Variants in LATS2 observed in about 807,000 individuals in gnomAD.
LATS2 encodes the protein serine/threonine-protein kinase LATS2.
In LATS2, 24 loss-of-function variants were observed where a neutral mutation model predicts 76.0. That is an observed-to-expected ratio of 0.32 (90% CI 0.23 to 0.44). The LOEUF (loss-of-function observed/expected upper bound fraction) is 0.44, where lower values mean the gene tolerates loss of function less well. Ranked by LOEUF, LATS2 falls within the 20% of genes least tolerant of loss-of-function variation. The pLI, the probability that LATS2 is intolerant of heterozygous loss-of-function variation, is 1.00. For synonymous variants in LATS2, 692 were observed against 635.4 expected (o/e 1.09, Z -1.34); for missense variants, 1,286 against 1,481.2 (o/e 0.87, Z 2.16).
intron 2 of LATS2, among the ~76,000 whole-genome samples, chr13:21,041,468 T>A (rs552699585): frequency 6.6e-6 from 1 of 152,282 alleles, no homozygotes; most frequent in Non-Finnish European, 1.5e-5. Context: ...TCCATTAAAG[T>A]TTTAAATCAC....
At chr13:21,028,745 A>G (rs1872409833) in intron 2 of LATS2, among the ~76,000 whole-genome samples, 1 of 151,958 alleles carries the variant, frequency 6.6e-6, no homozygotes, top group Non-Finnish European at 1.5e-5. Flanking sequence ...TAATTTTTGT[A>G]TTTTAGTAGA....
rs1279655707 is a variant in LATS2, at chr13:21,058,183, GTCAATGCATTTGAATTTACCT to G, written c.-205+3142_-205+3162del. 3.9e-5 allele frequency among the ~76,000 whole-genome samples: 6 copies of G among 152,206 alleles called. No homozygotes were observed. In the East Asian group the frequency reaches 5.8e-4, roughly 15 times the overall value. ...TTAGAACAGATTTAGTCAAGACAGA[GTCAATGCATTTGAATTTACCT>G]TCTGTATTTCTTCACACCAACTGTT... On this transcript the variant is annotated intron_variant, in intron 1 of 7. Coordinates refer to ENST00000382592, the MANE Select transcript of LATS2 (RefSeq NM_014572.3).
rs150944797 is a variant in LATS2 at position 21,013,963 on chromosome 13, C to G, written c.343-22559G>C. Among the ~76,000 whole-genome samples, 1,089 of 150,756 alleles carry G rather than the reference C, an allele frequency of 7.2e-3. 9 individuals carry two copies. Among genetic ancestry groups the G allele is most frequent in the Middle Eastern group, 0.01 (3 of 294 alleles). On this transcript the variant is annotated intron_variant, in intron 2 of 7. Coordinates refer to ENST00000382592, the MANE Select transcript of LATS2 (RefSeq NM_014572.3). ...TCCAGCCTGGGCAACAGAGCAAGAC[C>G]CCCAACTTGAAAACAAAAGAAGAAG...
intron 2 of LATS2, among the ~76,000 whole-genome samples, chr13:21,040,196 G>A (rs1333524252): frequency 6.6e-6 from 1 of 152,048 alleles, no homozygotes; most frequent in African/African-American, 2.4e-5. Context: ...AGACCACCGT[G>A]GGCAACATGG....
At position 21,061,514 on chromosome 13, in the gene LATS2, G is replaced by A. The variant is rs1224939149; in HGVS notation, c.-373C>T. 1 of 153,006 alleles carries A rather than the reference G, an allele frequency of 6.5e-6. No individual in the cohort carries two copies. The highest frequency in any genetic ancestry group is 6.5e-5 in the Admixed American group (1 of 15,292). The allele number at this position is 153,006 out of a possible 1,614,324, so 9.5% of individuals were successfully genotyped here. A position where few individuals can be genotyped will look rare whatever the true frequency, so the allele number is the denominator to read the frequency against. On this transcript the variant is annotated 5_prime_UTR_variant, in exon 1 of 8. Coordinates refer to ENST00000382592, the MANE Select transcript of LATS2 (RefSeq NM_014572.3). Reference sequence around the variant, plus strand: ...ACGGCGACTGCTCCATCTTCCCGGGGCGCTCACGCCGCGGTTCCAAAGCGC... The same window carrying A: ...ACGGCGACTGCTCCATCTTCCCGGGACGCTCACGCCGCGGTTCCAAAGCGC...
chr13:21,056,152 G>T lies in LATS2; in HGVS notation c.-205+5194C>A, dbSNP rs926565257. On this transcript the variant is annotated intron_variant, in intron 1 of 7. Coordinates refer to ENST00000382592, the MANE Select transcript of LATS2 (RefSeq NM_014572.3). ...AGAATTGGGTCTTTTTTTTTGGTGG[G>T]GGGGGCAGGGTCTCACTCTGGTTGC... 3.9e-5 allele frequency among the ~76,000 whole-genome samples: 6 copies of T among 152,068 alleles called. No homozygotes were observed. The South Asian group carries it at 8.3e-4, about 21-fold the overall frequency.
intron 2 of LATS2, among the ~76,000 whole-genome samples, chr13:21,022,250 G>A (rs566166417): frequency 4.6e-5 from 7 of 152,124 alleles, no homozygotes; most frequent in Non-Finnish European, 8.8e-5. Context: ...GTGTGTGGAC[G>A]TATGCATATG....
intron 2 of LATS2, among the ~76,000 whole-genome samples, chr13:21,006,431 A>G (rs1871271260): frequency 6.6e-6 from 1 of 152,174 alleles, no homozygotes; most frequent in African/African-American, 2.4e-5. Flanking sequence ...TGTGGCACCT[A>G]AGTTATATGC....
chr13:21,036,971 G>C (rs1169470627), intron 2 of LATS2, among the ~76,000 whole-genome samples: 1 of 152,214 alleles, frequency 6.6e-6, no homozygotes, highest in African/African-American at 2.4e-5. Context: ...ATTTACGCTA[G>C]TAATTCCATT....
chr13:21,054,972 G>C (rs575115910), intron 1 of LATS2, among the ~76,000 whole-genome samples: 7 of 151,534 alleles, frequency 4.6e-5, no homozygotes, highest in African/African-American at 1.7e-4. Context: ...GGCTGTCCCT[G>C]TCTTAAGTGA....
intron 1 of LATS2, among the ~76,000 whole-genome samples, chr13:21,055,010 A>G (rs1042845766): frequency 1.1e-4 from 16 of 152,212 alleles, no homozygotes; most frequent in African/African-American, 3.6e-4. Flanking sequence ...CTACGGATAA[A>G]CTGTGTTCTT....
At position 20,988,147 on chromosome 13, in the gene LATS2, G is replaced by A. The variant is rs755582869; in HGVS notation, c.1633C>T (p.Arg545Cys). 50 of 1,613,992 alleles carry A rather than the reference G, an allele frequency of 3.1e-5. No homozygotes were observed. The highest frequency in any genetic ancestry group is 1.6e-4 in the African/African-American group (12 of 74,946). Residue 545 changes from arginine to cysteine, a missense_variant, in exon 4 of 8, where the codon CGT (arginine) becomes TGT (cysteine). By Grantham distance (180) the Arg-to-Cys change is radical (BLOSUM62 -3). Around this residue, in one of 5 missense-constraint regions of LATS2, gnomAD observed 710 missense variants for 660.9 expected, o/e 1.07. Coordinates refer to ENST00000382592, the MANE Select transcript of LATS2 (RefSeq NM_014572.3). ...CCCTCGGGCTCGTTGGGGCCCGCAC[G>A]GAGGCTCTGCTCCATGCCTGCGCAC... ...SLCAGMEQSLRAGPNEPEGGD... is the reference protein window; with the variant it reads ...SLCAGMEQSLCAGPNEPEGGD...
chr13:21,004,344 G>C (rs1478945730), intron 2 of LATS2, among the ~76,000 whole-genome samples: 1 of 149,808 alleles, frequency 6.7e-6, no homozygotes, highest in African/African-American at 2.5e-5. Flanking sequence ...TGAGGCAAGA[G>C]AACCGCTTGA....
At chr13:21,004,704 C>T (rs1871197253) in intron 2 of LATS2, among the ~76,000 whole-genome samples, 1 of 152,152 alleles carries the variant, frequency 6.6e-6, no homozygotes, top group Non-Finnish European at 1.5e-5. Context: ...TGGGGCTGTT[C>T]AACAGTATCC....
rs529406390 is a variant in LATS2 at position 20,980,104 on chromosome 13, CACAA to C, written c.2666-311_2666-308del. Among the ~76,000 whole-genome samples, 56 of 152,238 alleles carry C rather than the reference CACAA, an allele frequency of 3.7e-4. No homozygotes were observed. In the South Asian group the frequency reaches 0.011, roughly 30 times the overall value. ...GCCAGAATTTTATGTTCTTAAAGAT[CACAA>C]ACAGAGGCACCAATTAAAATAACAG... On this transcript the variant is annotated intron_variant, in intron 6 of 7. Transcript: ENST00000382592.
chr13:21,014,003 AGAG>A (rs1355859134), intron 2 of LATS2, among the ~76,000 whole-genome samples: 2 of 151,548 alleles, frequency 1.3e-5, no homozygotes, highest in African/African-American at 4.9e-5. Context: ...AAGAAGAAGA[AGAG>A]GAGGAAGAGA....
intron 2 of LATS2, among the ~76,000 whole-genome samples, chr13:21,010,224 A>AC (rs1555225648): frequency 2.7e-5 from 4 of 148,304 alleles, no homozygotes; most frequent in Non-Finnish European, 4.5e-5. Context: ...AAACAAACAA[A>AC]AAACCCACAA....
intron 2 of LATS2, among the ~76,000 whole-genome samples, chr13:21,042,877 A>T (rs988854111): frequency 1.3e-5 from 2 of 151,690 alleles, no homozygotes; most frequent in African/African-American, 4.8e-5. Context: ...CCAGCTACTC[A>T]GGAGGCTGAG....
intron 2 of LATS2, among the ~76,000 whole-genome samples, chr13:21,014,336 C>T (rs1871714278): frequency 6.6e-6 from 1 of 152,208 alleles, no homozygotes; most frequent in Admixed American, 6.5e-5. Context: ...TAAACCACAT[C>T]TCAATACAGA....
Sources: gnomAD v4.1 joint callset for allele counts (sites outside exome capture counted in the v4.1 genomes callset) on GRCh38, gnomAD v4.1.1 for gene constraint, gnomAD v4.1.1 regional missense constraint, MANE v1.5 for transcripts, NCBI Gene and HGNC (gene_info 2026-07-23, HGNC 2026-07-21) for gene names.